The following ACP5 variants were observed in gnomAD, a reference collection of about 807,000 sequenced individuals.
The protein encoded by ACP5 is acid phosphatase 5, tartrate resistant, also known as tartrate-resistant acid phosphatase type 5.
ACP5 carries 24 observed loss-of-function variants against 28.7 expected under a neutral mutation model. That is an observed-to-expected ratio of 0.84 (90% confidence interval 0.61 to 1.18). The LOEUF (loss-of-function observed/expected upper bound fraction) is 1.18, where lower values mean the gene tolerates loss of function less well. ACP5 is among the 50% of genes most tolerant of loss of function. The probability of loss-of-function intolerance (pLI) is 0.00; values close to 1 mark genes in which losing one functional copy is unlikely to be tolerated. For missense variants in ACP5, 354 were observed against 422.2 expected, an observed-to-expected ratio of 0.84 and a Z score of 1.42; for synonymous variants, 154 against 181.4, an observed-to-expected ratio of 0.85 and a Z score of 1.21.
chr19:11,576,391 C>G lies in ACP5; in HGVS notation c.587G>C (p.Arg196Thr). The G allele has an allele frequency of 6.2e-7, 1 of 1,611,900 alleles. No homozygotes were observed. Among genetic ancestry groups the G allele is most frequent in the Non-Finnish European group, 8.5e-7 (1 of 1,178,760 alleles). Residue 196 changes from arginine to threonine, a missense_variant, in exon 4 of 5, where the codon AGG becomes ACG. Transcript: ENST00000648477. ...SWLKKQLAAAREDYVLVAGHY... is the reference protein window; with the variant it reads ...SWLKKQLAAATEDYVLVAGHY... Reference sequence around the variant, plus strand: ...GCCAGCCACCAGCACGTAGTCCTCCCTGGCCGCCGCCAGCTGTTTCTTGAG... The same window carrying G: ...GCCAGCCACCAGCACGTAGTCCTCCGTGGCCGCCGCCAGCTGTTTCTTGAG...
chr19:11,574,751 C>CT lies in ACP5; in HGVS notation c.*258_*259insA. On this transcript the variant is annotated 3_prime_UTR_variant, in exon 5 of 5. Coordinates refer to ENST00000648477, the MANE Select transcript of ACP5 (RefSeq NM_001611.5). ...CTTTCCCTCCCTCCCTCCCCCATTG[C>CT]ACCCCGGAACTCAGCAAAGGTGAGC... The CT allele has an allele frequency of 2.9e-6, 1 of 344,266 alleles. No individual in the cohort carries two copies. Among genetic ancestry groups the CT allele is most frequent in the Non-Finnish European group, 5.7e-6 (1 of 174,968 alleles). The allele number at this position is 344,266 out of a possible 1,614,324, so 21.3% of individuals were successfully genotyped here. A position where few individuals can be genotyped will look rare whatever the true frequency, so the allele number is the denominator to read the frequency against.
At chr19:11,576,893 C>G in intron 2 of ACP5, 50 bp from the exon 3 acceptor site, 1 of 1,613,588 alleles carries the variant, frequency 6.2e-7, no homozygotes, top group South Asian at 1.1e-5. Flanking sequence ...AGTGGCTATG[C>G]CGATCCTCCC....
In ACP5 at chr19:11,576,766, G is replaced by T; in HGVS notation, c.339C>A (p.His113Gln). Residue 113 changes from histidine (H) to glutamine (Q), a missense_variant, in exon 3 of 5, where the codon CAC becomes CAA. Physicochemically the swap from His to Gln is conservative, Grantham distance 24 (BLOSUM62 0). Transcript: ENST00000648477. ...PWYVLAGNHDHLGNVSAQIAY... is the reference protein window; with the variant it reads ...PWYVLAGNHDQLGNVSAQIAY... Reference sequence around the variant, plus strand: ...CAATCTGGGCAGAGACATTGCCAAGGTGGTCATGGTTTCCGGCTAGCACGT... The same window carrying T: ...CAATCTGGGCAGAGACATTGCCAAGTTGGTCATGGTTTCCGGCTAGCACGT... 2 of 1,614,128 alleles carry T rather than the reference G, an allele frequency of 1.2e-6. No homozygotes were observed. The highest frequency in any genetic ancestry group is 1.7e-6 in the Non-Finnish European group (2 of 1,180,018).
chr19:11,576,711 C>T lies in ACP5; in HGVS notation c.389+5G>A. Reference sequence around the variant, plus strand: ...TCTCGGAAGGCAGGGCTGAGGGTGGCTCACCAGCGCTTGGAGATCTTAGAG... The same window carrying T: ...TCTCGGAAGGCAGGGCTGAGGGTGGTTCACCAGCGCTTGGAGATCTTAGAG... On this transcript the variant is annotated splice_donor_5th_base_variant and intron_variant, in intron 3 of 4. Transcript: ENST00000648477. 1 of 1,613,226 alleles carries T rather than the reference C, an allele frequency of 6.2e-7. No homozygotes were observed. The highest frequency in any genetic ancestry group is 1.1e-5 in the South Asian group (1 of 91,006).
Position 11,574,833 on chromosome 19 carries a change from G to C in ACP5, c.*177C>G. ...ACATGTCCATGTGTGTTTCACATAC[G>C]TGGGCATCTGTGCCACAAGGGTCAT... is the stretch of plus-strand genomic sequence containing the variant. On this transcript the variant is annotated 3_prime_UTR_variant, in exon 5 of 5. Transcript: ENST00000648477. The C allele has an allele frequency of 1.7e-6, 1 of 585,304 alleles. No homozygotes were observed. Among genetic ancestry groups the C allele is most frequent in the South Asian group, 1.7e-5 (1 of 57,410 alleles). The allele number at this position is 585,304 out of a possible 1,614,324, so 36.3% of individuals were successfully genotyped here. A position where few individuals can be genotyped will look rare whatever the true frequency, so the allele number is the denominator to read the frequency against.
upstream of ACP5, chr19:11,578,814 A>AC (rs928606990): frequency 6.6e-6 from 1 of 151,850 alleles, no homozygotes; most frequent in African/African-American, 2.4e-5. Context: ...ACAGGCAGAG[A>AC]CCCCTCCCAC....
upstream of ACP5, chr19:11,577,670 C>T (rs574475262): frequency 2.6e-4 from 108 of 411,608 alleles, 1 homozygote; most frequent in South Asian, 2.5e-3. This position sits in a 1 kb window ranked among gnomAD's most constrained non-coding sequence, Gnocchi z 5.7. Context: ...GGTCCCTGAG[C>T]CTTTATTCCC....
At chr19:11,577,660 G>A (rs1304484876), upstream of ACP5, 12 of 437,348 alleles carry the variant, frequency 2.7e-5, no homozygotes, top group East Asian at 4.6e-5. This position sits in a 1 kb window ranked among gnomAD's most constrained non-coding sequence, Gnocchi z 5.7. Context: ...TAGAACTGCC[G>A]GTCCCTGAGC....
Position 11,577,289 on chromosome 19 carries a change from A to C in ACP5, c.29T>G (p.Leu10Arg). Residue 10 changes from leucine (L) to arginine (R), a missense_variant, in exon 2 of 5, where the codon CTG (leucine) becomes CGG (arginine). Leu to Arg is a moderately radical substitution (Grantham distance 102). Transcript: ENST00000648477. This position sits in a 1 kb window ranked among gnomAD's most constrained non-coding sequence, Gnocchi z 5.7. ...CAGGGAGGGTAGCAACAAGGCTTGC[A>C]GGATGAGCAGCGCCGTCCACATGTC... is the stretch of plus-strand genomic sequence containing the variant. MDMWTALLI[L>R]QALLLPSLAD... The C allele has an allele frequency of 6.2e-7, 1 of 1,614,098 alleles. No individual in the cohort carries two copies. Among genetic ancestry groups the C allele is most frequent in the South Asian group, 1.1e-5 (1 of 91,082 alleles).
At position 11,577,600 on chromosome 19, in the gene ACP5, G is replaced by T; in HGVS notation, c.-8C>A. The T allele has an allele frequency of 1.8e-6, 1 of 544,260 alleles. No individual in the cohort carries two copies. The highest frequency in any genetic ancestry group is 2.0e-5 in the South Asian group (1 of 49,812). 33.7% of individuals were successfully genotyped at this position (544,260 alleles called of 1,614,324 possible). ...AGCCTGCCCAGCACTCACCCAGGGG[G>T]AGACACAGGCCAGTCACCGGAGGCT... On this transcript the variant is annotated 5_prime_UTR_variant, in exon 1 of 5. Coordinates refer to ENST00000648477, the MANE Select transcript of ACP5 (RefSeq NM_001611.5). The surrounding 1 kb of genome is among the most constrained non-coding windows in gnomAD (Gnocchi z 5.7).
rs142179752 is a variant in ACP5 at position 11,576,341 on chromosome 19, C to G, written c.637G>C (p.Glu213Gln). The G allele has an allele frequency of 1.0e-4, 165 of 1,610,440 alleles. 1 individual carries two copies. The highest frequency in any genetic ancestry group is 1.0e-5 in the Non-Finnish European group (12 of 1,178,762). Reference protein sequence around the residue: ...AGHYPVWSIAEHGPTHCLVKQ... With the variant: ...AGHYPVWSIAQHGPTHCLVKQ... ...ACCAGGCAGTGGGTAGGCCCGTGCT[C>G]GGCTATGGACCACACGGGGTAGTGG... Residue 213 changes from glutamate to glutamine, a missense_variant, in exon 4 of 5, where the codon GAG becomes CAG. Glu to Gln is a conservative substitution (Grantham distance 29). Coordinates refer to ENST00000648477, the MANE Select transcript of ACP5 (RefSeq NM_001611.5).
At chr19:11,575,557 T>C (rs1231292689) in intron 4 of ACP5, 1 of 388,612 alleles carries the variant, frequency 2.6e-6, no homozygotes, top group East Asian at 5.8e-5. Context: ...ACCTTGCCTC[T>C]ACAAAAAAAA....
At position 11,577,230 on chromosome 19, in the gene ACP5, C is replaced by G. The variant is rs1347219377; in HGVS notation, c.88G>C (p.Ala30Pro). 1.2e-6 allele frequency: 2 copies of G among 1,614,172 alleles called. No individual in the cohort carries two copies. The highest frequency in any genetic ancestry group is 2.2e-5 in the South Asian group (2 of 91,084). Residue 30 changes from alanine to proline, a missense_variant, in exon 2 of 5, where the codon GCC (alanine) becomes CCC (proline). Ala to Pro is a conservative substitution (Grantham distance 27). Coordinates refer to ENST00000648477, the MANE Select transcript of ACP5 (RefSeq NM_001611.5). The surrounding 1 kb of genome is among the most constrained non-coding windows in gnomAD (Gnocchi z 5.7). ...GGGACCCCTCCCCAGTCACCCACGGCTACAAAGCGCAGGGCAGGGGTGGCA... is the reference window on the plus strand; with the variant it reads ...GGGACCCCTCCCCAGTCACCCACGGGTACAAAGCGCAGGGCAGGGGTGGCA... Reference protein sequence around the residue: ...DGATPALRFVAVGDWGGVPNA... With the variant: ...DGATPALRFVPVGDWGGVPNA...
intron 4 of ACP5, 124 bp from the exon 5 acceptor site, chr19:11,575,376 A>T (rs911595604): frequency 1.3e-5 from 15 of 1,192,356 alleles, no homozygotes; most frequent in Non-Finnish European, 1.8e-5. Flanking sequence ...TCCTGGCTTC[A>T]ATTTCCTGAC....
chr19:11,577,766 T>G, upstream of ACP5: 4 of 254,314 alleles, frequency 1.6e-5, no homozygotes, highest in East Asian at 9.9e-5. This position sits in a 1 kb window ranked among gnomAD's most constrained non-coding sequence, Gnocchi z 5.7. Context: ...ATGTGAGCCC[T>G]GGACTTCCCT....
rs763225287 is a variant in ACP5, at chr19:11,575,050, G to A, written c.938C>T (p.Ser313Phe). Residue 313 changes from serine to phenylalanine, a missense_variant, in exon 5 of 5, where the codon TCC becomes TTC. Transcript: ENST00000648477. ...TVTYIEASGK[S>F]LFKTRLPRRA... Reference sequence around the variant, plus strand: ...CCTCGGCAGCCTGGTCTTAAAGAGGGACTTGCCCGAGGCCTCGATGTAAGT... The same window carrying A: ...CCTCGGCAGCCTGGTCTTAAAGAGGAACTTGCCCGAGGCCTCGATGTAAGT... 1 of 1,614,186 alleles carries A rather than the reference G, an allele frequency of 6.2e-7. No individual in the cohort carries two copies.
intron 2 of ACP5, 30 bp from the exon 3 acceptor site, chr19:11,576,873 C>T (rs1025173451): frequency 1.9e-6 from 3 of 1,613,934 alleles, no homozygotes; most frequent in Admixed American, 1.7e-5. Flanking sequence ...CAGGCCTCTT[C>T]CCTGGGGTCA....
chr19:11,576,276 A>G lies in ACP5; in HGVS notation c.702T>C (p.Thr234=), dbSNP rs547734259. The change falls in exon 4 of 5, where the codon ACT becomes ACC. Residue 234 remains threonine (T), a synonymous_variant. Transcript: ENST00000648477. ...TGTGATCGTGGCCGCACAGGTAGGC[A>G]GTGACCCCGTATGTGGCCAGCAGTG... ...LRPLLATYGV[T]AYLCGHDHNL... is the part of the protein sequence containing the mutation. The G allele has an allele frequency of 6.2e-6, 10 of 1,609,458 alleles. No homozygotes were observed. The East Asian group carries it at 8.9e-5, about 14-fold the overall frequency.
Position 11,577,042 on chromosome 19 carries a change from C to T in ACP5, c.261+15G>A. ...GCCCGCCCCCACCTCCTGCCCCACT[C>T]TGTTGGGCACAGACCTGGAACCTCT... On this transcript the variant is annotated intron_variant, in intron 2 of 4. Transcript: ENST00000648477. The surrounding 1 kb of genome is among the most constrained non-coding windows in gnomAD (Gnocchi z 5.7). 1 of 1,613,964 alleles carries T rather than the reference C, an allele frequency of 6.2e-7. No homozygotes were observed. Among genetic ancestry groups the T allele is most frequent in the Non-Finnish European group, 8.5e-7 (1 of 1,179,858 alleles).
Sources: gnomAD v4.1 joint callset for allele counts on GRCh38, gnomAD v4.1.1 for gene constraint, Gnocchi (gnomAD v3.1) non-coding constraint, MANE v1.5 for transcripts, NCBI Gene and HGNC (gene_info 2026-07-23, HGNC 2026-07-21) for gene names.